NOTCH1: variants seen among roughly 807,000 people sequenced by gnomAD.
NOTCH1 encodes the protein notch receptor 1.
In NOTCH1, 37 loss-of-function variants were observed where a neutral mutation model predicts 254.8. The ratio of observed to expected loss-of-function variants is 0.15; its 90% confidence interval spans 0.11 to 0.19. The LOEUF is 0.19. Ranked by LOEUF, NOTCH1 falls within the 10% of genes least tolerant of loss-of-function variation. The probability of loss-of-function intolerance (pLI) is 1.00; values close to 1 mark genes in which losing one functional copy is unlikely to be tolerated. For synonymous variants in NOTCH1, 1,731 were observed against 1,618.1 expected (o/e 1.07, Z -1.68); for missense variants, 2,972 against 3,708.6 (o/e 0.80, Z 5.16).
At position 136,520,129 on chromosome 9, in the gene NOTCH1, T is replaced by C. The variant is rs184751916; in HGVS notation, c.743-564A>G. ...GCTGCCAGGGCCCCCTCCCCCGAGG[T>C]ATGGCCCCACCCAGGCCTCCAAGGC... On this transcript the variant is annotated intron_variant, in intron 4 of 33. Transcript: ENST00000651671. 6.8e-3 allele frequency among the ~76,000 whole-genome samples: 1,034 copies of C among 151,856 alleles called. 11 individuals carry two copies. Among genetic ancestry groups the C allele is most frequent in the African/African-American group, 0.023 (960 of 41,428 alleles).
chr9:136,507,467 C>T (rs918238424), intron 21 of NOTCH1, 30 bp from the exon 22 acceptor site: 18 of 1,575,816 alleles, frequency 1.1e-5, no homozygotes, highest in Non-Finnish European at 1.4e-5. Flanking sequence ...AGGGGCCCTT[C>T]GGCTCAGCCG....
intron 31 of NOTCH1, 61 bp downstream of exon 31, chr9:136,500,491 G>T: frequency 6.3e-7 from 1 of 1,592,544 alleles, no homozygotes. Context: ...CCTGGCCACT[G>T]CCCCAGACCA....
At chr9:136,501,483 C>T (rs1352079963) in intron 30 of NOTCH1, among the ~76,000 whole-genome samples, 1 of 151,688 alleles carries the variant, frequency 6.6e-6, no homozygotes, top group Admixed American at 6.6e-5. Flanking sequence ...TCAACGCTTT[C>T]CATGTCTCAA....
intron 31 of NOTCH1, 39 bp from the exon 32 acceptor site, chr9:136,499,298 A>G (rs994621188): frequency 8.7e-6 from 14 of 1,607,730 alleles, no homozygotes; most frequent in African/African-American, 5.3e-5. Flanking sequence ...TGCTGGGCAG[A>G]CGTACACCGA....
At chr9:136,502,588 G>A (rs963750651) in intron 27 of NOTCH1, 100 bp from the exon 28 acceptor site, 6 of 684,356 alleles carry the variant, frequency 8.8e-6, no homozygotes, top group Middle Eastern at 8.4e-4. Context: ...GCGTCCGGGC[G>A]CCTCCTCACC....
chr9:136,517,436 C>T, intron 8 of NOTCH1, 51 bp from the exon 9 acceptor site: 1 of 1,228,082 alleles, frequency 8.1e-7, no homozygotes, highest in Non-Finnish European at 1.2e-6. Context: ...CAGTGCCCCA[C>T]TGGGCACAGC....
intron 26 of NOTCH1, 36 bp from the exon 27 acceptor site, chr9:136,503,366 G>C (rs1843030856): frequency 1.2e-6 from 2 of 1,611,786 alleles, no homozygotes; most frequent in Non-Finnish European, 1.7e-6. Flanking sequence ...GGGACCCGAG[G>C]CTTCCTCCTC....
intron 4 of NOTCH1, among the ~76,000 whole-genome samples, chr9:136,520,013 A>G (rs1843341828): frequency 6.6e-6 from 1 of 151,978 alleles, no homozygotes; most frequent in Admixed American, 6.5e-5. Flanking sequence ...GGCCCCTCGC[A>G]GCCCCAGGGA....
In NOTCH1 at chr9:136,506,337, C is replaced by T. The variant is rs1843083876; in HGVS notation, c.4014+190G>A. On this transcript the variant is annotated intron_variant, in intron 24 of 33. Transcript: ENST00000651671. This position sits in a 1 kb window ranked among gnomAD's most constrained non-coding sequence, Gnocchi z 4.5. ...ACCCCAGGGAGTCTACTTCCTGCTC[C>T]ATTTTTCTATAAATCTAAAATGTCT... is the stretch of plus-strand genomic sequence containing the variant. 6.6e-6 allele frequency among the ~76,000 whole-genome samples: 1 copy of T among 151,696 alleles called. No homozygotes were observed. Among genetic ancestry groups the T allele is most frequent in the Admixed American group, 6.6e-5 (1 of 15,248 alleles).
At position 136,496,095 on chromosome 9, in the gene NOTCH1, G is replaced by A. The variant is rs1842909167; in HGVS notation, c.7644C>T (p.Ala2548=). 2 of 1,606,982 alleles carry A rather than the reference G, an allele frequency of 1.2e-6. No individual in the cohort carries two copies. Among genetic ancestry groups the A allele is most frequent in the Non-Finnish European group, 1.7e-6 (2 of 1,179,294 alleles). The change falls in exon 34 of 34, where the codon GCC becomes GCT. Residue 2548 remains alanine, a synonymous_variant. Transcript: ENST00000651671. Reference sequence around the variant, plus strand: ...TTTACTTGAAGGCCTCCGGAATGCGGGCGATCTGGGACTGCATGCTGGTGG... The same window carrying A: ...TTTACTTGAAGGCCTCCGGAATGCGAGCGATCTGGGACTGCATGCTGGTGG... The part of the protein sequence containing the change: ...SPPTSMQSQI[A]RIPEAFK
intron 26 of NOTCH1, among the ~76,000 whole-genome samples, chr9:136,504,329 G>A (rs1237015175): frequency 6.6e-6 from 1 of 152,252 alleles, no homozygotes; most frequent in African/African-American, 2.4e-5. Context: ...GAGCCTCCTC[G>A]CCTGGCAGAG....
At chr9:136,532,122 TGGGAGGGGCCCATAAGGAGGGGCACCTGG>T (rs1447400046) in intron 2 of NOTCH1, among the ~76,000 whole-genome samples, 3 of 152,138 alleles carry the variant, frequency 2.0e-5, no homozygotes. Context: ...CCTGCAGCCC[TGGGAGGGGCCCATAAGGAGGGGCACCTGG>T]GGGAGGGGCC....
chr9:136,530,481 C>T (rs574668498), intron 2 of NOTCH1, among the ~76,000 whole-genome samples: 73 of 152,274 alleles, frequency 4.8e-4, no homozygotes, highest in African/African-American at 1.5e-3. Context: ...GTGGAGATGG[C>T]GGAGCTGGGG....
chr9:136,542,544 C>CAAAAAAAAAA (rs1174860714), intron 2 of NOTCH1, among the ~76,000 whole-genome samples: 1 of 52,488 alleles, frequency 1.9e-5, no homozygotes, highest in African/African-American at 6.3e-5. Context: ...CCCCAAAAAG[C>CAAAAAAAAAA]AAAAAAAAAA....
chr9:136,535,978 G>A (rs1350862040), intron 2 of NOTCH1, among the ~76,000 whole-genome samples: 1 of 142,742 alleles, frequency 7.0e-6, no homozygotes, highest in Non-Finnish European at 1.6e-5. Context: ...GGGGCAATGG[G>A]TGCATGGTGG....
Position 136,540,501 on chromosome 9 carries a change from G to A in NOTCH1, c.140+3523C>T, listed in dbSNP as rs941107044. Among the ~76,000 whole-genome samples the A allele has an allele frequency of 6.6e-6, 1 of 152,186 alleles. No homozygotes were observed. Among genetic ancestry groups the A allele is most frequent in the African/African-American group, 2.4e-5 (1 of 41,452 alleles). ...TTAAACATTCAGGAAGGAGGCTCTG[G>A]AAACCAGCACTGTCAGCCAACGGGG... On this transcript the variant is annotated intron_variant, in intron 2 of 33. Coordinates refer to ENST00000651671, the MANE Select transcript of NOTCH1 (RefSeq NM_017617.5). The surrounding 1 kb of genome is among the most constrained non-coding windows in gnomAD (Gnocchi z 4.4).
intron 17 of NOTCH1, 89 bp from the exon 18 acceptor site, chr9:136,510,050 G>A (rs1037919971): frequency 4.6e-6 from 6 of 1,296,690 alleles, no homozygotes; most frequent in Non-Finnish European, 5.5e-6. Context: ...GCTGGGGACA[G>A]CCCAGCCTTT....
At position 136,506,716 on chromosome 9, in the gene NOTCH1, C is replaced by T. The variant is rs1227711223; in HGVS notation, c.3901G>A (p.Gly1301Arg). Residue 1301 changes from glycine (G) to arginine (R), a missense_variant and splice_region_variant, in exon 23 of 34, where the codon GGG becomes AGG. Transcript: ENST00000651671. The surrounding 1 kb of genome is among the most constrained non-coding windows in gnomAD (Gnocchi z 4.5). The stretch of plus-strand genomic sequence containing the variant: ...CCACCCGCCTGGGCGCGGCACCCAC[C>T]GGTGTGACCAGCACGGCACTCGCAG... ...FHCECRAGHT[G>R]RRCESVINGC... is the part of the protein sequence containing the mutation. The T allele has an allele frequency of 2.5e-6, 4 of 1,598,290 alleles. No individual in the cohort carries two copies. The highest frequency in any genetic ancestry group is 1.3e-5 in the African/African-American group (1 of 74,664).
chr9:136,520,956 C>T (rs1343947726), intron 4 of NOTCH1, among the ~76,000 whole-genome samples: 1 of 152,182 alleles, frequency 6.6e-6, no homozygotes, highest in Admixed American at 6.5e-5. Context: ...CCTCGGCCAG[C>T]GACCCCACGA....
Sources: gnomAD v4.1 joint callset for allele counts (sites outside exome capture counted in the v4.1 genomes callset) on GRCh38, gnomAD v4.1.1 for gene constraint, Gnocchi (gnomAD v3.1) non-coding constraint, MANE v1.5 for transcripts, NCBI Gene and HGNC (gene_info 2026-07-23, HGNC 2026-07-21) for gene names.